The following TMEM132E variants were observed in gnomAD, a reference collection of about 807,000 sequenced individuals.
The protein encoded by TMEM132E is transmembrane protein 132E.
In TMEM132E, 49 loss-of-function variants were observed where a neutral mutation model predicts 78.5. The ratio of observed to expected loss-of-function variants is 0.62; its 90% CI spans 0.50 to 0.79. TMEM132E has a LOEUF of 0.79. Among genes scored for constraint, TMEM132E ranks in the 30% least tolerant of loss-of-function variants. TMEM132E has a pLI of 0.00. For missense variants in TMEM132E, 1,403 were observed against 1,470.9 expected (o/e 0.95, Z 0.75); for synonymous variants, 715 against 670.6 (o/e 1.07, Z -1.02).
Position 34,636,126 on chromosome 17 carries a change from G to T in TMEM132E, c.2097G>T (p.Arg699=), listed in dbSNP as rs558619000. Reference sequence around the variant, plus strand: ...TGGCCAGCCTGGCCCTCTCCCTGCGGCCCAGCCCTGGGAGCAGCCACACCA... The same window carrying T: ...TGGCCAGCCTGGCCCTCTCCCTGCGTCCCAGCCCTGGGAGCAGCCACACCA... ...QVVASLALSL[R]PSPGSSHTIL... The change falls in exon 8 of 9, where the codon CGG becomes CGT. Residue 699 remains arginine, a synonymous_variant. Coordinates refer to ENST00000631683, the MANE Select transcript of TMEM132E (RefSeq NM_001304438.2). 1.9e-4 allele frequency: 297 copies of T among 1,591,872 alleles called. 4 individuals are homozygous for T. The South Asian group carries it at 3.2e-3, about 17-fold the overall frequency.
chr17:34,605,197 C>T (rs999921105), intron 1 of TMEM132E, among the ~76,000 whole-genome samples: 1 of 152,190 alleles, frequency 6.6e-6, no homozygotes, highest in Non-Finnish European at 1.5e-5. Context: ...GGTCCCTTGT[C>T]ACCTACTGTC....
At chr17:34,583,367 C>T (rs907349928) in intron 1 of TMEM132E, among the ~76,000 whole-genome samples, 1 of 152,252 alleles carries the variant, frequency 6.6e-6, no homozygotes, top group African/African-American at 2.4e-5. Context: ...TCTCCCCTGC[C>T]TCAGAGAAGG....
intron 1 of TMEM132E, among the ~76,000 whole-genome samples, chr17:34,623,246 C>T (rs1907018115): frequency 6.6e-6 from 1 of 152,166 alleles, no homozygotes. Flanking sequence ...GAGTCCGGTG[C>T]CCATCTGGTG....
intron 1 of TMEM132E, among the ~76,000 whole-genome samples, chr17:34,583,327 C>G (rs1357706152): frequency 6.6e-6 from 1 of 152,246 alleles, no homozygotes; most frequent in Non-Finnish European, 1.5e-5. Flanking sequence ...TCCCTGAGTC[C>G]TGAACTCTCT....
chr17:34,617,412 G>T (rs1008963258), intron 1 of TMEM132E, among the ~76,000 whole-genome samples: 1 of 152,208 alleles, frequency 6.6e-6, no homozygotes, highest in Non-Finnish European at 1.5e-5. Context: ...CTTGGCAGAA[G>T]ACCTGCGTGA....
intron 1 of TMEM132E, among the ~76,000 whole-genome samples, chr17:34,605,771 C>T (rs1003819158): frequency 2.0e-5 from 3 of 152,202 alleles, no homozygotes; most frequent in African/African-American, 4.8e-5. Flanking sequence ...CTGGGTTCAG[C>T]TGGTTGGACT....
In TMEM132E at chr17:34,638,217, C is replaced by T; in HGVS notation, c.3210C>T (p.Ile1070=). The T allele has an allele frequency of 6.3e-7, 1 of 1,594,328 alleles. No individual in the cohort carries two copies. Among genetic ancestry groups the T allele is most frequent in the Non-Finnish European group, 8.5e-7 (1 of 1,171,564 alleles). The change falls in exon 9 of 9, where the codon ATC becomes ATT. Residue 1070 remains isoleucine (I), a synonymous_variant. Transcript: ENST00000631683. ...PPDLHNYMRR[I]KEIA ...ACCTGCACAATTACATGCGCAGAAT[C>T]AAAGAGATTGCATAGAGGCGCCAGC...
rs980187474 is a variant in TMEM132E, at chr17:34,634,919, G to A, written c.1809G>A (p.Thr603=). Residue 603 remains threonine, a synonymous_variant, in exon 7 of 9, where the codon ACG becomes ACA. Coordinates refer to ENST00000631683, the MANE Select transcript of TMEM132E (RefSeq NM_001304438.2). ...TGCAGGTCTTCACCCAGTTCCACACGACATCATCCGAGGGCACTGACCAGG... is the reference window on the plus strand; with the variant it reads ...TGCAGGTCTTCACCCAGTTCCACACAACATCATCCGAGGGCACTGACCAGG... The part of the protein sequence containing the change: ...ATLQVFTQFH[T]TSSEGTDQVV... 6.2e-6 allele frequency: 10 copies of A among 1,614,042 alleles called. No homozygotes were observed. The highest frequency in any genetic ancestry group is 2.2e-5 in the East Asian group (1 of 44,890).
chr17:34,587,979 G>A (rs1487328385), intron 1 of TMEM132E, among the ~76,000 whole-genome samples: 2 of 152,294 alleles, frequency 1.3e-5, no homozygotes, highest in African/African-American at 4.8e-5. Flanking sequence ...AACAGAATCA[G>A]CACAGATGCA....
At chr17:34,625,559 GGAAGTTACTGATA>G (rs1907088591) in intron 1 of TMEM132E, among the ~76,000 whole-genome samples, 1 of 152,286 alleles carries the variant, frequency 6.6e-6, no homozygotes, top group African/African-American at 2.4e-5. Flanking sequence ...CACTCAAAAA[GGAAGTTACTGATA>G]GAAAACTGGT....
In TMEM132E at chr17:34,600,495, T is replaced by C. The variant is rs561149297; in HGVS notation, c.67+19352T>C. On this transcript the variant is annotated intron_variant, in intron 1 of 8. Coordinates refer to ENST00000631683, the MANE Select transcript of TMEM132E (RefSeq NM_001304438.2). The stretch of plus-strand genomic sequence containing the variant: ...TGGGGAAAGAGAGTTCTGCTCTTAA[T>C]GAACCCAGCAGGGGATCCACCCTTG... Among the ~76,000 whole-genome samples, 21 of 151,438 alleles carry C rather than the reference T, an allele frequency of 1.4e-4. 1 individual carries two copies. The highest frequency in any genetic ancestry group is 1.1e-3 in the South Asian group (5 of 4,754).
At chr17:34,598,924 C>G (rs991259557) in intron 1 of TMEM132E, among the ~76,000 whole-genome samples, 1 of 152,186 alleles carries the variant, frequency 6.6e-6, no homozygotes, top group Non-Finnish European at 1.5e-5. Flanking sequence ...CAGCCCCTGG[C>G]TGCTGCAGAC....
At position 34,637,858 on chromosome 17, in the gene TMEM132E, TCGCCGC is replaced by T; in HGVS notation, c.2853_2858del (p.Pro952_Pro953del). The T allele has an allele frequency of 1.2e-6, 2 of 1,609,470 alleles. No homozygotes were observed. The highest frequency in any genetic ancestry group is 1.7e-6 in the Non-Finnish European group (2 of 1,178,636). ...GCCGCTGCGGGTGCAAGGAGAGCTG[TCGCCGC>T]CAGCAGGCAACCCGCTGGAAACCGT... On this transcript the variant is annotated inframe_deletion, in exon 9 of 9. Transcript: ENST00000631683.
rs756088299 is a variant in TMEM132E at position 34,635,132 on chromosome 17, C to A, written c.1977+45C>A. ...CAGCACAAAGGGGCAGTGTCGGGAG[C>A]CTTATTTACCTGTGGGTGCAGAACT... is the stretch of plus-strand genomic sequence containing the variant. On this transcript the variant is annotated intron_variant, in intron 7 of 8. Coordinates refer to ENST00000631683, the MANE Select transcript of TMEM132E (RefSeq NM_001304438.2). 5.2e-6 allele frequency: 8 copies of A among 1,526,262 alleles called. No homozygotes were observed. The Admixed American group carries it at 1.4e-4, about 26-fold the overall frequency. 94.5% of individuals were successfully genotyped at this position (1,526,262 alleles called of 1,614,324 possible).
chr17:34,614,829 C>T (rs1471386993), intron 1 of TMEM132E: 1 of 152,518 alleles, frequency 6.6e-6, no homozygotes, highest in Non-Finnish European at 1.5e-5. Flanking sequence ...CTATCCTGAA[C>T]TACTCCTTCT....
rs1231222224 is a variant in TMEM132E at position 34,637,293 on chromosome 17, T to C, written c.2286T>C (p.Thr762=). The change falls in exon 9 of 9, where the codon ACT becomes ACC. Residue 762 remains threonine (T), a synonymous_variant. Transcript: ENST00000631683. The part of the protein sequence containing the change: ...LVSSLDEHVA[T]VTQDRAFPLV... ...GCAGCCTGGATGAGCATGTGGCCAC[T>C]GTGACCCAGGACCGGGCCTTCCCTC... 6.2e-7 allele frequency: 1 copy of C among 1,614,120 alleles called. No individual in the cohort carries two copies. Among genetic ancestry groups the C allele is most frequent in the Admixed American group, 1.7e-5 (1 of 60,032 alleles).
chr17:34,620,602 T>C lies in TMEM132E; in HGVS notation c.68-5525T>C, dbSNP rs1469187936. ...AGGCACAGGGACACAGGAGCCAGTG[T>C]CTCATGGCCCCAGGGGAGCAATCAC... On this transcript the variant is annotated intron_variant, in intron 1 of 8. Coordinates refer to ENST00000631683, the MANE Select transcript of TMEM132E (RefSeq NM_001304438.2). Among the ~76,000 whole-genome samples, 4 of 152,302 alleles carry C rather than the reference T, an allele frequency of 2.6e-5. No individual in the cohort carries two copies. In the South Asian group the frequency reaches 6.2e-4, roughly 24 times the overall value.
intron 1 of TMEM132E, among the ~76,000 whole-genome samples, chr17:34,624,714 C>T (rs1487742519): frequency 3.3e-5 from 5 of 152,106 alleles, no homozygotes; most frequent in African/African-American, 7.2e-5. Context: ...AGGATCCTGA[C>T]GCCTTGTGTA....
chr17:34,617,822 G>A (rs1440703368), intron 1 of TMEM132E, among the ~76,000 whole-genome samples: 2 of 152,020 alleles, frequency 1.3e-5, no homozygotes, highest in African/African-American at 4.8e-5. Flanking sequence ...ATTTTAAATG[G>A]CATTTATTTT....
Sources: gnomAD v4.1 joint callset for allele counts (sites outside exome capture counted in the v4.1 genomes callset) on GRCh38, gnomAD v4.1.1 for gene constraint, MANE v1.5 for transcripts, NCBI Gene and HGNC (gene_info 2026-07-23, HGNC 2026-07-21) for gene names.